Variants in CFAP46 observed in about 807,000 individuals in gnomAD.
CFAP46 encodes cilia- and flagella-associated protein 46.
CFAP46 carries 245 observed loss-of-function variants against 325.7 expected under a neutral mutation model. The observed-to-expected ratio is 0.75, with a 90% CI of 0.68 to 0.84. The LOEUF is 0.84. Among genes scored for constraint, CFAP46 ranks in the 40% least tolerant of loss-of-function variants. The probability of loss-of-function intolerance (pLI) is 0.00; values close to 1 mark genes in which losing one functional copy is unlikely to be tolerated. For missense variants in CFAP46, 3,346 were observed against 3,543.0 expected (o/e 0.94, Z 1.41); for synonymous variants, 1,523 against 1,495.9 (o/e 1.02, Z -0.42).
chr10:132,838,693 G>A (rs1342666572), intron 44 of CFAP46, among the ~76,000 whole-genome samples: 7 of 152,282 alleles, frequency 4.6e-5, no homozygotes, highest in Non-Finnish European at 1.0e-4. Flanking sequence ...GGTCATGAGC[G>A]ATGCTGCTCT....
intron 39 of CFAP46, among the ~76,000 whole-genome samples, chr10:132,852,491 G>C (rs1848573032): frequency 6.7e-6 from 1 of 150,216 alleles, no homozygotes; most frequent in Non-Finnish European, 1.5e-5. Flanking sequence ...GGAATTCTCA[G>C]ATCCTGATCC....
Position 132,919,127 on chromosome 10 carries a change from C to A in CFAP46, c.1858+188G>T, listed in dbSNP as rs1849681177. On this transcript the variant is annotated intron_variant, in intron 15 of 57. Transcript: ENST00000368586. This position sits in a 1 kb window ranked among gnomAD's most constrained non-coding sequence, Gnocchi z 9.7. ...GGTGCTCGTGGCTCGGCCGACACAG[C>A]CAGATGTGGCCGCCGCCCCATGATT... Among the ~76,000 whole-genome samples the A allele has an allele frequency of 6.6e-6, 1 of 152,174 alleles. No homozygotes were observed. Among genetic ancestry groups the A allele is most frequent in the Non-Finnish European group, 1.5e-5 (1 of 68,032 alleles).
intron 45 of CFAP46, 98 bp downstream of exon 45, chr10:132,836,719 G>C: frequency 1.0e-6 from 1 of 997,392 alleles, no homozygotes; most frequent in Non-Finnish European, 1.6e-6. Flanking sequence ...GCCTCCCTGG[G>C]GTGGGGCTGA....
chr10:132,813,867 TG>T (rs929048686), intron 54 of CFAP46, among the ~76,000 whole-genome samples: 4 of 152,228 alleles, frequency 2.6e-5, no homozygotes, highest in African/African-American at 9.6e-5. Flanking sequence ...GAGTGGTCTC[TG>T]GAGGGGCTGC....
intron 27 of CFAP46, among the ~76,000 whole-genome samples, chr10:132,882,261 T>C (rs974238450): frequency 6.7e-6 from 1 of 150,032 alleles, no homozygotes; most frequent in African/African-American, 2.5e-5. Flanking sequence ...GTGAGTTGTG[T>C]GTGGGGGTAT....
At chr10:132,852,279 C>T (rs535233093) in intron 39 of CFAP46, among the ~76,000 whole-genome samples, 1 of 123,344 alleles carries the variant, frequency 8.1e-6, no homozygotes, top group African/African-American at 2.9e-5. Context: ...TTTACTTAGA[C>T]ATTCTCAGAT....
intron 31 of CFAP46, among the ~76,000 whole-genome samples, chr10:132,874,904 G>T (rs1848939335): frequency 6.6e-6 from 1 of 152,120 alleles, no homozygotes; most frequent in Non-Finnish European, 1.5e-5. Context: ...CCTCATACCG[G>T]AGGTCCTTGC....
chr10:132,810,261 C>T, intron 57 of CFAP46, 148 bp downstream of exon 57: 1 of 726,872 alleles, frequency 1.4e-6, no homozygotes, highest in Non-Finnish European at 2.4e-6. Context: ...CTCCCTCTTT[C>T]CGGCTCCTAG....
intron 44 of CFAP46, chr10:132,837,227 A>C: frequency 2.5e-6 from 1 of 396,170 alleles, no homozygotes; most frequent in Non-Finnish European, 4.6e-6. Flanking sequence ...CAAATGGAAA[A>C]TTCTCCAGCG....
At chr10:132,899,797 C>T in intron 22 of CFAP46, 131 bp from the exon 23 acceptor site, 1 of 1,068,960 alleles carries the variant, frequency 9.4e-7, no homozygotes, top group Non-Finnish European at 1.3e-6. Flanking sequence ...GGCCCACAAG[C>T]ACATGTGCAC....
chr10:132,911,984 G>A (rs193120828), intron 19 of CFAP46, among the ~76,000 whole-genome samples: 6 of 152,042 alleles, frequency 3.9e-5, no homozygotes, highest in South Asian at 2.1e-4. Flanking sequence ...TTGTTCTCAC[G>A]TCTGTCGCCT....
chr10:132,913,247 T>G lies in CFAP46; in HGVS notation c.2132A>C (p.Glu711Ala). Residue 711 changes from glutamate to alanine, a missense_variant, in exon 18 of 58, where the codon GAG (glutamate) becomes GCG (alanine). Glu to Ala is a moderately radical substitution (Grantham distance 107). Coordinates refer to ENST00000368586, the MANE Select transcript of CFAP46 (RefSeq NM_001200049.3). ...AEWITYRTWI[E>A]SLSRCAMNNW... is the part of the protein sequence containing the mutation. ...ATTCATGGCACACCGGGACAGACTC[T>G]CGATCCAGGTTCTGCAAAACGAGCA... The G allele has an allele frequency of 6.5e-7, 1 of 1,550,204 alleles. No individual in the cohort carries two copies. The highest frequency in any genetic ancestry group is 8.7e-7 in the Non-Finnish European group (1 of 1,146,828).
At chr10:132,897,232 C>T (rs1849331628) in intron 24 of CFAP46, among the ~76,000 whole-genome samples, 1 of 152,020 alleles carries the variant, frequency 6.6e-6, no homozygotes, top group Non-Finnish European at 1.5e-5. Flanking sequence ...AAGACACAGG[C>T]AACAAAAGAA....
intron 44 of CFAP46, among the ~76,000 whole-genome samples, chr10:132,839,861 C>T (rs568576167): frequency 5.3e-5 from 8 of 152,322 alleles, no homozygotes; most frequent in South Asian, 2.1e-4. Context: ...CCTGACGTGG[C>T]GCCCCTTATA....
At chr10:132,909,116 G>A (rs924078454) in intron 21 of CFAP46, 21 bp downstream of exon 21, 26 of 1,531,436 alleles carry the variant, frequency 1.7e-5, no homozygotes, top group East Asian at 7.4e-5. Context: ...CTGGCCTCCC[G>A]GGACCCCTGG....
intron 44 of CFAP46, among the ~76,000 whole-genome samples, chr10:132,838,127 G>A (rs919206765): frequency 6.6e-6 from 1 of 152,220 alleles, no homozygotes; most frequent in Admixed American, 6.5e-5. Flanking sequence ...CGGCCCGTCC[G>A]CTCCCGTGGA....
intron 39 of CFAP46, among the ~76,000 whole-genome samples, chr10:132,854,633 G>C (rs754851439): frequency 6.6e-6 from 1 of 152,028 alleles, no homozygotes; most frequent in Non-Finnish European, 1.5e-5. Flanking sequence ...CACTGTGCCC[G>C]GCCAGCTTTC....
At chr10:132,871,878 TA>T (rs1330692420) in intron 32 of CFAP46, among the ~76,000 whole-genome samples, 1 of 152,258 alleles carries the variant, frequency 6.6e-6, no homozygotes, top group African/African-American at 2.4e-5. Context: ...CTGCCATGGG[TA>T]AAATTCCATC....
chr10:132,866,149 G>A lies in CFAP46; in HGVS notation c.4766C>T (p.Thr1589Ile). The A allele has an allele frequency of 6.5e-7, 1 of 1,535,060 alleles. No individual in the cohort carries two copies. Among genetic ancestry groups the A allele is most frequent in the Middle Eastern group, 1.7e-4 (1 of 5,908 alleles). ...GGACGTCCCATCCAGGTCCCTCCCGGTCTCCCCATTCATCTTCAAAATCTG... is the reference window on the plus strand; with the variant it reads ...GGACGTCCCATCCAGGTCCCTCCCGATCTCCCCATTCATCTTCAAAATCTG... Reference protein sequence around the residue: ...KDKILKMNGETGRDLDGTSFP... With the variant: ...KDKILKMNGEIGRDLDGTSFP... Residue 1589 changes from threonine (T) to isoleucine (I), a missense_variant, in exon 35 of 58, where the codon ACC (threonine) becomes ATC (isoleucine). Thr to Ile is a moderately conservative substitution (Grantham distance 89, BLOSUM62 -1). Transcript: ENST00000368586.
Sources: gnomAD v4.1 joint callset for allele counts (sites outside exome capture counted in the v4.1 genomes callset) on GRCh38, gnomAD v4.1.1 for gene constraint, Gnocchi (gnomAD v3.1) non-coding constraint, MANE v1.5 for transcripts, NCBI Gene and HGNC (gene_info 2026-07-23, HGNC 2026-07-21) for gene names.